SHANK2: variants seen among roughly 807,000 people sequenced by gnomAD.
SHANK2 encodes the protein SH3 and multiple ankyrin repeat domains protein 2.
Under a neutral mutation model 133.7 loss-of-function variants are expected in SHANK2, and 43 were observed. That is an observed-to-expected ratio of 0.32 (90% CI 0.25 to 0.41). The LOEUF (loss-of-function observed/expected upper bound fraction) is 0.41. Among genes scored for constraint, SHANK2 ranks in the 10% least tolerant of loss-of-function variants. SHANK2 has a pLI of 1.00. For synonymous variants in SHANK2, 1,017 were observed against 952.8 expected, an observed-to-expected ratio of 1.07 and a Z score of -1.24; for missense variants, 1,994 against 2,235.8, an observed-to-expected ratio of 0.89 and a Z score of 2.18.
chr11:70,944,944 T>C (rs1229003311), intron 10 of SHANK2, among the ~76,000 whole-genome samples: 2 of 152,266 alleles, frequency 1.3e-5, no homozygotes, highest in Non-Finnish European at 2.9e-5. Flanking sequence ...GATGCTATTA[T>C]ATTCTCTTAC....
intron 11 of SHANK2, among the ~76,000 whole-genome samples, chr11:70,856,922 C>A (rs1431780413): frequency 1.3e-5 from 2 of 152,324 alleles, no homozygotes; most frequent in East Asian, 3.9e-4. Flanking sequence ...CAGATGGACA[C>A]CCCTGGCTGG....
intron 25 of SHANK2, among the ~76,000 whole-genome samples, chr11:70,482,207 C>A (rs1011983811): frequency 2.0e-5 from 3 of 152,232 alleles, no homozygotes; most frequent in African/African-American, 7.2e-5. Context: ...TAAAGTGTAA[C>A]CCTTGGCCGG....
chr11:70,541,276 C>A (rs1554975144), intron 17 of SHANK2, among the ~76,000 whole-genome samples: 1 of 152,248 alleles, frequency 6.6e-6, no homozygotes, highest in African/African-American at 2.4e-5. Context: ...CCTGAGAACA[C>A]CTGTCCTTCC....
chr11:70,614,050 C>T (rs1430361035), intron 17 of SHANK2, among the ~76,000 whole-genome samples: 2 of 152,130 alleles, frequency 1.3e-5, no homozygotes, highest in Non-Finnish European at 2.9e-5. Flanking sequence ...CAGGCATGAG[C>T]CATTGCGCCC....
chr11:70,892,409 C>T lies in SHANK2; in HGVS notation c.1174+4092G>A, dbSNP rs147251540. On this transcript the variant is annotated intron_variant, in intron 11 of 25. Coordinates refer to ENST00000601538, the MANE Select transcript of SHANK2 (RefSeq NM_012309.5). ...TGGCCCAGGAAGCCTCCTCTTCCCT[C>T]TGGCCACCTTCCCAGCTCTGGTTCT... is the stretch of plus-strand genomic sequence containing the variant. 1.6e-3 allele frequency among the ~76,000 whole-genome samples: 243 copies of T among 152,318 alleles called. 1 individual carries two copies. The highest frequency in any genetic ancestry group is 5.6e-3 in the African/African-American group (234 of 41,564).
intron 10 of SHANK2, chr11:70,950,011 TG>T (rs782730158): frequency 6.6e-6 from 3 of 455,772 alleles, no homozygotes; most frequent in Non-Finnish European, 1.3e-5. Context: ...GCTGCACAGG[TG>T]GTGGCTCTCA....
At chr11:71,146,614 G>A (rs1184619432) in intron 3 of SHANK2, among the ~76,000 whole-genome samples, 5 of 152,188 alleles carry the variant, frequency 3.3e-5, no homozygotes, top group South Asian at 2.1e-4. Context: ...AGGAGGAGGC[G>A]GACAGCAGCC....
At chr11:71,092,332 C>T in intron 8 of SHANK2, 90 bp downstream of exon 8, 2 of 1,434,706 alleles carry the variant, frequency 1.4e-6, no homozygotes, top group Non-Finnish European at 9.5e-7. Flanking sequence ...CAGGATCTAA[C>T]CTTTGGGCCA....
chr11:71,185,155 C>T (rs147000711), intron 2 of SHANK2, among the ~76,000 whole-genome samples: 1 of 152,250 alleles, frequency 6.6e-6, no homozygotes, highest in African/African-American at 2.4e-5. Flanking sequence ...TGATGCTGTC[C>T]CAATACAATC....
At chr11:70,799,310 GAGAAT>G (rs1446497900) in intron 13 of SHANK2, among the ~76,000 whole-genome samples, 1 of 152,098 alleles carries the variant, frequency 6.6e-6, no homozygotes, top group African/African-American at 2.4e-5. Context: ...GCTGAGGCAG[GAGAAT>G]CACTTGAACC....
intron 14 of SHANK2, among the ~76,000 whole-genome samples, chr11:70,771,365 G>A (rs7110522): frequency 0.92 from 139,533 of 152,226 alleles, 65,208 homozygotes; most frequent in East Asian, 1. Context: ...GAAGTGGTGG[G>A]GGCAGCTGGG....
At chr11:70,607,984 C>T (rs1261161178) in intron 17 of SHANK2, among the ~76,000 whole-genome samples, 2 of 152,296 alleles carry the variant, frequency 1.3e-5, no homozygotes, top group African/African-American at 4.8e-5. Context: ...TGACTCTGAC[C>T]AGAGAGGCTG....
At chr11:71,085,614 TTA>T (rs1565441465) in intron 8 of SHANK2, among the ~76,000 whole-genome samples, 1 of 78,524 alleles carries the variant, frequency 1.3e-5, no homozygotes, top group Non-Finnish European at 2.2e-5. Flanking sequence ...TAAATATATA[TTA>T]TATTATATAT....
In SHANK2 at chr11:70,485,378, A is replaced by G. The variant is rs2058786774; in HGVS notation, c.4915T>C (p.Leu1639=). 10 of 1,613,978 alleles carry G rather than the reference A, an allele frequency of 6.2e-6. No individual in the cohort carries two copies. The highest frequency in any genetic ancestry group is 2.2e-5 in the East Asian group (1 of 44,878). ...SILQQMNREK[L]AKPGEGLDSP... ...TCCAGTCCTTCCCCCGGCTTTGCCA[A>G]TTTCTCTCGGTTCATTTGCTGTAGG... Residue 1639 remains leucine, a synonymous_variant, in exon 25 of 26, where the codon TTG becomes CTG. Transcript: ENST00000601538. This position sits in a 1 kb window ranked among gnomAD's most constrained non-coding sequence, Gnocchi z 5.8.
intron 3 of SHANK2, among the ~76,000 whole-genome samples, chr11:71,124,114 T>C (rs1250066102): frequency 4.2e-5 from 6 of 142,978 alleles, no homozygotes; most frequent in African/African-American, 1.6e-4. Flanking sequence ...ATGATGGTGA[T>C]GATGGTGATG....
At position 70,759,071 on chromosome 11, in the gene SHANK2, C is replaced by T. The variant is rs183478280; in HGVS notation, c.1777+39372G>A. Among the ~76,000 whole-genome samples, 1,197 of 152,006 alleles carry T rather than the reference C, an allele frequency of 7.9e-3. 12 individuals carry two copies. The highest frequency in any genetic ancestry group is 0.027 in the African/African-American group (1,138 of 41,460). On this transcript the variant is annotated intron_variant, in intron 14 of 25. Transcript: ENST00000601538. ...CTACTCAGGAGGCCAAGACAGAGAA[C>T]TGCTTGAACCTGGGAGGCAGAGGTT...
At position 70,535,164 on chromosome 11, in the gene SHANK2, C is replaced by T. The variant is rs2135995301; in HGVS notation, c.2062-32233G>A. 6.6e-6 allele frequency among the ~76,000 whole-genome samples: 1 copy of T among 152,270 alleles called. No homozygotes were observed. The highest frequency in any genetic ancestry group is 1.5e-5 in the Non-Finnish European group (1 of 68,020). ...ATGGTTCCCACGAACACCTTCCTCC[C>T]TCCCACCCTCTATTATCCATTTTCC... On this transcript the variant is annotated intron_variant, in intron 17 of 25. Coordinates refer to ENST00000601538, the MANE Select transcript of SHANK2 (RefSeq NM_012309.5). This position sits in a 1 kb window ranked among gnomAD's most constrained non-coding sequence, Gnocchi z 4.3.
chr11:70,716,702 C>T (rs1465159616), intron 14 of SHANK2, among the ~76,000 whole-genome samples: 1 of 152,218 alleles, frequency 6.6e-6, no homozygotes, highest in African/African-American at 2.4e-5. Flanking sequence ...CGGGGCACCC[C>T]CAAAAGATTC....
chr11:71,249,436 G>A lies in SHANK2; in HGVS notation c.-113+2989C>T, dbSNP rs540197039. On this transcript the variant is annotated intron_variant, in intron 1 of 25. Coordinates refer to ENST00000601538, the MANE Select transcript of SHANK2 (RefSeq NM_012309.5). Reference sequence around the variant, plus strand: ...GTGGAGGCTCCTGAAGAGGCTGTGCGCGTCCATTTCCACTGGTTTTTCTCA... The same window carrying A: ...GTGGAGGCTCCTGAAGAGGCTGTGCACGTCCATTTCCACTGGTTTTTCTCA... Among the ~76,000 whole-genome samples the A allele has an allele frequency of 9.2e-5, 14 of 152,258 alleles. No individual in the cohort carries two copies. The South Asian group carries it at 2.1e-3, about 23-fold the overall frequency.
Sources: allele counts gnomAD v4.1 joint callset (sites outside exome capture counted in the v4.1 genomes callset), GRCh38; gene constraint gnomAD v4.1.1; non-coding constraint Gnocchi (gnomAD v3.1); transcripts MANE v1.5; gene names NCBI Gene and HGNC (gene_info 2026-07-23, HGNC 2026-07-21).